Variants in UTRN observed in about 807,000 individuals in gnomAD.
The protein encoded by UTRN is utrophin.
UTRN carries 283 observed loss-of-function variants against 463.9 expected under a neutral mutation model. That is an observed-to-expected ratio of 0.61 (90% CI 0.55 to 0.67). The LOEUF (loss-of-function observed/expected upper bound fraction) is 0.67. UTRN is among the 30% of genes least tolerant of loss of function. The pLI is 0.00. For synonymous variants in UTRN, 1,442 were observed against 1,431.5 expected, an observed-to-expected ratio of 1.01 and a Z score of -0.17; for missense variants, 3,922 against 4,084.3, an observed-to-expected ratio of 0.96 and a Z score of 1.08.
intron 27 of UTRN, among the ~76,000 whole-genome samples, chr6:144,483,706 A>G (rs1792128815): frequency 6.6e-6 from 1 of 152,166 alleles, no homozygotes; most frequent in African/African-American, 2.4e-5. Flanking sequence ...GCCTTGGCCT[A>G]CCAAAGTCCT....
intron 51 of UTRN, among the ~76,000 whole-genome samples, chr6:144,652,304 A>T (rs1009277749): frequency 6.6e-6 from 1 of 152,242 alleles, no homozygotes; most frequent in African/African-American, 2.4e-5. Context: ...TGAACCTGAC[A>T]AACAGGGTCC....
chr6:144,360,918 C>G (rs930712381), intron 2 of UTRN, among the ~76,000 whole-genome samples: 1 of 152,180 alleles, frequency 6.6e-6, no homozygotes, highest in African/African-American at 2.4e-5. Flanking sequence ...ATCCTTGTCT[C>G]AGGGTCTGCT....
At chr6:144,666,250 A>G (rs767670780) in intron 51 of UTRN, among the ~76,000 whole-genome samples, 1 of 152,210 alleles carries the variant, frequency 6.6e-6, no homozygotes, top group African/African-American at 2.4e-5. Context: ...ACGAAGAAAC[A>G]TGATTCATTA....
intron 53 of UTRN, among the ~76,000 whole-genome samples, chr6:144,718,955 C>CT: frequency 6.6e-6 from 1 of 152,298 alleles, no homozygotes; most frequent in Non-Finnish European, 1.5e-5. Context: ...CTGTGGATTT[C>CT]TTTGACTTTC....
At chr6:144,305,039 C>G (rs1805597167) in intron 2 of UTRN, among the ~76,000 whole-genome samples, 1 of 151,432 alleles carries the variant, frequency 6.6e-6, no homozygotes, top group South Asian at 2.1e-4. Context: ...TCAAACAATT[C>G]TTGTGCCTCA....
chr6:144,340,321 G>A (rs1037181014), intron 2 of UTRN, among the ~76,000 whole-genome samples: 8 of 152,216 alleles, frequency 5.3e-5, no homozygotes, highest in African/African-American at 1.9e-4. Flanking sequence ...AGTTGTATTA[G>A]TTAGGACTGA....
At chr6:144,766,358 G>A (rs1793344899) in intron 58 of UTRN, among the ~76,000 whole-genome samples, 1 of 151,940 alleles carries the variant, frequency 6.6e-6, no homozygotes, top group Non-Finnish European at 1.5e-5. Context: ...TTAGGCAGTT[G>A]AATGCAAAAT....
At chr6:144,551,666 AC>A (rs1314806856) in intron 48 of UTRN, among the ~76,000 whole-genome samples, 1 of 152,122 alleles carries the variant, frequency 6.6e-6, no homozygotes, top group Non-Finnish European at 1.5e-5. Flanking sequence ...GGTTCTACAA[AC>A]CCTTCTTAGT....
chr6:144,586,218 T>C (rs1428904606), intron 51 of UTRN, among the ~76,000 whole-genome samples: 1 of 151,996 alleles, frequency 6.6e-6, no homozygotes, highest in Non-Finnish European at 1.5e-5. Context: ...AAGGGAGGAA[T>C]GAAAAAAGGC....
intron 69 of UTRN, among the ~76,000 whole-genome samples, chr6:144,829,742 T>A (rs1170417863): frequency 1.3e-5 from 2 of 151,792 alleles, no homozygotes; most frequent in South Asian, 2.1e-4. Context: ...GAGTGCTAGG[T>A]TAAAATACTT....
At chr6:144,333,399 T>C (rs1014240007) in intron 2 of UTRN, 46 of 152,200 alleles carry the variant, frequency 3.0e-4, no homozygotes, top group African/African-American at 1.1e-3. Flanking sequence ...TTCAGATTTT[T>C]CATATAGCAT....
chr6:144,388,101 A>G (rs1781566286), intron 2 of UTRN, among the ~76,000 whole-genome samples: 1 of 152,246 alleles, frequency 6.6e-6, no homozygotes, highest in African/African-American at 2.4e-5. Flanking sequence ...TGGCTAACAA[A>G]TAATAGAATA....
intron 51 of UTRN, among the ~76,000 whole-genome samples, chr6:144,660,676 G>C (rs1449852942): frequency 6.6e-6 from 1 of 152,186 alleles, no homozygotes; most frequent in Non-Finnish European, 1.5e-5. Context: ...TACCCCTCAG[G>C]TTTATCTGTC....
At chr6:144,505,415 C>A (rs994844882) in intron 34 of UTRN, among the ~76,000 whole-genome samples, 1 of 152,196 alleles carries the variant, frequency 6.6e-6, no homozygotes, top group African/African-American at 2.4e-5. Flanking sequence ...CCTCTAAACA[C>A]TGCTTTAGCT....
At chr6:144,356,718 C>T (rs1394026981) in intron 2 of UTRN, among the ~76,000 whole-genome samples, 1 of 152,012 alleles carries the variant, frequency 6.6e-6, no homozygotes, top group Non-Finnish European at 1.5e-5. Context: ...GAGGCTGAGG[C>T]AGGAGAATCA....
At chr6:144,339,768 C>G (rs1323687957) in intron 2 of UTRN, among the ~76,000 whole-genome samples, 1 of 152,086 alleles carries the variant, frequency 6.6e-6, no homozygotes, top group African/African-American at 2.4e-5. Context: ...GCCTTCACCC[C>G]CTCCCAATTT....
At chr6:144,303,808 A>G (rs944364193) in intron 2 of UTRN, among the ~76,000 whole-genome samples, 3 of 152,244 alleles carry the variant, frequency 2.0e-5, no homozygotes, top group African/African-American at 4.8e-5. Flanking sequence ...GAGAAAATCT[A>G]TATACTAAAA....
At chr6:144,341,277 T>C (rs73591143) in intron 2 of UTRN, among the ~76,000 whole-genome samples, 2 of 152,140 alleles carry the variant, frequency 1.3e-5, no homozygotes, top group African/African-American at 2.4e-5. Context: ...AGGAAAAAAG[T>C]TTTTATTTTT....
intron 51 of UTRN, among the ~76,000 whole-genome samples, chr6:144,580,548 A>T (rs1270846920): frequency 6.6e-6 from 1 of 152,106 alleles, no homozygotes; most frequent in Non-Finnish European, 1.5e-5. Flanking sequence ...ATGGATGATG[A>T]TTTGGATTTA....
Sources: allele counts gnomAD v4.1 joint callset (sites outside exome capture counted in the v4.1 genomes callset), GRCh38; gene constraint gnomAD v4.1.1; transcripts MANE v1.5; gene names NCBI Gene and HGNC (gene_info 2026-07-23, HGNC 2026-07-21).